NBN: variants seen among roughly 807,000 people sequenced by gnomAD.
The protein encoded by NBN is nibrin, also known as Nijmegen breakage syndrome 1 (nibrin).
In NBN, 88 loss-of-function variants were observed where a neutral mutation model predicts 90.8. That is an observed-to-expected ratio of 0.97 (90% CI 0.82 to 1.16). The LOEUF is 1.16. Ranked by LOEUF, NBN falls within the 50% of genes most tolerant of loss-of-function variation. NBN has a pLI of 0.00. For synonymous variants in NBN, 328 were observed against 295.1 expected (o/e 1.11, Z -1.14); for missense variants, 894 against 869.6 (o/e 1.03, Z -0.35).
chr8:89,949,556 A>G, intron 11 of NBN, among the ~76,000 whole-genome samples: 1 of 152,230 alleles, frequency 6.6e-6, no homozygotes, highest in South Asian at 2.1e-4. Flanking sequence ...AAGTAAGGCC[A>G]AGACTCAGGC....
At chr8:89,981,031 A>G (rs1812041106) in intron 3 of NBN, 138 bp from the exon 4 acceptor site, 1 of 770,394 alleles carries the variant, frequency 1.3e-6, no homozygotes, top group South Asian at 1.7e-5. Context: ...GTAACCTATG[A>G]AATTATCAGT....
intron 1 of NBN, among the ~76,000 whole-genome samples, chr8:89,983,603 T>C (rs1218694974): frequency 6.6e-6 from 1 of 152,198 alleles, no homozygotes; most frequent in Non-Finnish European, 1.5e-5. Context: ...TGAAAATTTG[T>C]TTTTATCTTA....
Position 89,965,566 on chromosome 8 carries a change from G to A in NBN, c.897-1059C>T, listed in dbSNP as rs150145026. Among the ~76,000 whole-genome samples, 317 of 150,794 alleles carry A rather than the reference G, an allele frequency of 2.1e-3. 2 individuals carry two copies. Among genetic ancestry groups the A allele is most frequent in the African/African-American group, 7.0e-3 (288 of 40,942 alleles). ...AGCAGTGGTGCAACCATGGCTCACTGCAACCTCTGCCTCCCAGGTTCAGGC... is the reference window on the plus strand; with the variant it reads ...AGCAGTGGTGCAACCATGGCTCACTACAACCTCTGCCTCCCAGGTTCAGGC... On this transcript the variant is annotated intron_variant, in intron 7 of 15. Coordinates refer to ENST00000265433, the MANE Select transcript of NBN (RefSeq NM_002485.5).
chr8:89,967,804 A>G (rs1811322608), intron 7 of NBN, among the ~76,000 whole-genome samples: 1 of 152,212 alleles, frequency 6.6e-6, no homozygotes, highest in Admixed American at 6.5e-5. Context: ...CAGCCATGGC[A>G]ATCACCAATC....
At chr8:89,941,414 C>T (rs1420557809) in intron 14 of NBN, among the ~76,000 whole-genome samples, 8 of 152,120 alleles carry the variant, frequency 5.3e-5, no homozygotes, top group Admixed American at 4.6e-4. Flanking sequence ...TTCACTGTAG[C>T]GAGCCAACAA....
rs1809549537 is a variant in NBN, at chr8:89,933,963, TACTG to T, written c.*1615_*1618del. The T allele has an allele frequency of 4.3e-6, 1 of 231,232 alleles. No individual in the cohort carries two copies. The highest frequency in any genetic ancestry group is 2.2e-5 in the African/African-American group (1 of 45,180). 14.3% of individuals were successfully genotyped at this position (231,232 alleles called of 1,614,324 possible). ...GATTGGAATGGTTAAAAAGGAAAAA[TACTG>T]ACAACACCAATATTTGTAAAGACAG... On this transcript the variant is annotated 3_prime_UTR_variant, in exon 16 of 16. Transcript: ENST00000265433.
chr8:89,964,771 C>T (rs1032595739), intron 7 of NBN, among the ~76,000 whole-genome samples: 4 of 152,080 alleles, frequency 2.6e-5, no homozygotes, highest in Non-Finnish European at 4.4e-5. Context: ...TAAAATTCTA[C>T]AATTTTTGGA....
In NBN at chr8:89,937,087, A is replaced by G; in HGVS notation, c.2185-12T>C. The G allele has an allele frequency of 1.2e-6, 2 of 1,610,700 alleles. No homozygotes were observed. The highest frequency in any genetic ancestry group is 1.7e-6 in the Non-Finnish European group (2 of 1,177,966). ...TGTTGATTTTGTACCTGTCAAAATTAACATAATTTCAAACATTTGCTCAGT... is the reference window on the plus strand; with the variant it reads ...TGTTGATTTTGTACCTGTCAAAATTGACATAATTTCAAACATTTGCTCAGT... On this transcript the variant is annotated splice_polypyrimidine_tract_variant and intron_variant, in intron 14 of 15. Coordinates refer to ENST00000265433, the MANE Select transcript of NBN (RefSeq NM_002485.5).
chr8:89,984,120 T>G, intron 1 of NBN: 1 of 302,672 alleles, frequency 3.3e-6, no homozygotes, highest in Non-Finnish European at 6.3e-6. Context: ...TGTCCAGTAG[T>G]TCTTCACAAG....
At chr8:89,950,173 G>T (rs1215155686) in intron 11 of NBN, among the ~76,000 whole-genome samples, 2 of 152,110 alleles carry the variant, frequency 1.3e-5, no homozygotes, top group Non-Finnish European at 2.9e-5. Flanking sequence ...TTATAGTGCT[G>T]GAATACAGTG....
intron 8 of NBN, 47 bp downstream of exon 8, chr8:89,964,363 T>A: frequency 6.2e-7 from 1 of 1,602,858 alleles, no homozygotes; most frequent in East Asian, 2.2e-5. Context: ...CTTATCGATT[T>A]ACATAATAAA....
chr8:89,974,670 A>G (rs1811672044), intron 5 of NBN, among the ~76,000 whole-genome samples: 1 of 152,194 alleles, frequency 6.6e-6, no homozygotes, highest in African/African-American at 2.4e-5. Context: ...TGTGTGTTAC[A>G]GGAGAGAGGA....
chr8:89,962,425 A>G (rs1022464094), intron 8 of NBN, among the ~76,000 whole-genome samples: 8 of 152,212 alleles, frequency 5.3e-5, no homozygotes, highest in African/African-American at 1.9e-4. Context: ...AAGAGAACAG[A>G]AATCTATCAA....
chr8:89,975,149 T>C (rs189185610), intron 5 of NBN, among the ~76,000 whole-genome samples: 15 of 152,372 alleles, frequency 9.8e-5, no homozygotes, highest in Admixed American at 9.8e-4. Context: ...GAAAATGAGA[T>C]ATTGCAAATC....
chr8:89,976,701 G>A (rs114107210), intron 5 of NBN, among the ~76,000 whole-genome samples: 1 of 152,132 alleles, frequency 6.6e-6, no homozygotes, highest in Admixed American at 6.5e-5. Flanking sequence ...ACCTGTGTTT[G>A]AGTGCATTTG....
chr8:89,956,996 C>A (rs1204959132), intron 9 of NBN, among the ~76,000 whole-genome samples: 1 of 152,172 alleles, frequency 6.6e-6, no homozygotes, highest in East Asian at 1.9e-4. Flanking sequence ...ACAGCACATA[C>A]AATTCGGTAC....
intron 12 of NBN, among the ~76,000 whole-genome samples, chr8:89,947,458 C>T (rs371565607): frequency 2.0e-5 from 3 of 152,022 alleles, no homozygotes; most frequent in African/African-American, 4.8e-5. Context: ...AGAGAAACCC[C>T]GTCTCTATTA....
chr8:89,953,241 T>C lies in NBN; in HGVS notation c.1845+3A>G, dbSNP rs587780777. ...TATACCTCTCATTTAAAATGTTACT[T>C]ACAGATATTTTGCTACTTTCTGGTA... On this transcript the variant is annotated splice_donor_region_variant and intron_variant, in intron 11 of 15. Transcript: ENST00000265433. The C allele has an allele frequency of 2.5e-6, 4 of 1,582,780 alleles. No homozygotes were observed. In the African/African-American group the frequency reaches 5.4e-5, roughly 21 times the overall value.
At chr8:89,973,173 C>T (rs971008528) in intron 5 of NBN, among the ~76,000 whole-genome samples, 1 of 152,184 alleles carries the variant, frequency 6.6e-6, no homozygotes, top group Non-Finnish European at 1.5e-5. Flanking sequence ...TTTGGCTCAT[C>T]ATTATATCCA....
Sources: allele counts gnomAD v4.1 joint callset (sites outside exome capture counted in the v4.1 genomes callset), GRCh38; gene constraint gnomAD v4.1.1; transcripts MANE v1.5; gene names NCBI Gene and HGNC (gene_info 2026-07-23, HGNC 2026-07-21).